The following IGSF21 variants were observed in gnomAD, a reference collection of about 807,000 sequenced individuals.
IGSF21 encodes the protein immunoglobin superfamily member 21, also known as immunoglobulin superfamily member 21.
Under a neutral mutation model 46.8 loss-of-function variants are expected in IGSF21, and 28 were observed. The ratio of observed to expected loss-of-function variants is 0.60; its 90% confidence interval spans 0.44 to 0.82. The LOEUF (loss-of-function observed/expected upper bound fraction) is 0.82, where lower values mean the gene tolerates loss of function less well. IGSF21 is among the 40% of genes least tolerant of loss of function. The pLI, the probability that IGSF21 is intolerant of heterozygous loss-of-function variation, is 0.00. For synonymous variants in IGSF21, 284 were observed against 273.6 expected, an observed-to-expected ratio of 1.04 and a Z score of -0.38; for missense variants, 624 against 665.5, an observed-to-expected ratio of 0.94 and a Z score of 0.69.
intron 1 of IGSF21, among the ~76,000 whole-genome samples, chr1:18,123,629 C>T (rs2086252661): frequency 6.6e-6 from 1 of 152,046 alleles, no homozygotes; most frequent in Non-Finnish European, 1.5e-5. Flanking sequence ...TCACAGATCA[C>T]TAGAAGGGGT....
At chr1:18,342,054 GT>G (rs60349068) in intron 4 of IGSF21, among the ~76,000 whole-genome samples, 53,231 of 144,428 alleles carry the variant, frequency 0.37, 10,267 homozygotes, top group East Asian at 0.47. Context: ...CATTTTCCTT[GT>G]TTTTTTTTTT....
At chr1:18,378,076 A>G (rs2124642429) in intron 9 of IGSF21, among the ~76,000 whole-genome samples, 180 bp from the exon 10 acceptor site, 1 of 152,320 alleles carries the variant, frequency 6.6e-6, no homozygotes, top group South Asian at 2.1e-4. Context: ...TAGCCCAGCA[A>G]GCCTAGTGGT....
chr1:18,318,221 C>A (rs2085562436), intron 3 of IGSF21, among the ~76,000 whole-genome samples: 1 of 152,142 alleles, frequency 6.6e-6, no homozygotes, highest in Non-Finnish European at 1.5e-5. Flanking sequence ...GAGGAAGAAG[C>A]CCTGGCCCCC....
At chr1:18,193,154 G>T (rs1158256731) in intron 1 of IGSF21, among the ~76,000 whole-genome samples, 5 of 152,148 alleles carry the variant, frequency 3.3e-5, no homozygotes, top group Admixed American at 3.3e-4. Context: ...CGACAGCTGA[G>T]TGAAGAAAGA....
In IGSF21 at chr1:18,365,657, C is replaced by T; in HGVS notation, c.975C>T (p.His325=). The T allele has an allele frequency of 6.2e-7, 1 of 1,614,144 alleles. No individual in the cohort carries two copies. The highest frequency in any genetic ancestry group is 8.5e-7 in the Non-Finnish European group (1 of 1,179,992). Residue 325 remains histidine (H), a synonymous_variant, in exon 6 of 10, where the codon CAC becomes CAT. Transcript: ENST00000251296. This position sits in a 1 kb window ranked among gnomAD's most constrained non-coding sequence, Gnocchi z 4.8. ...CCCTCTTCAGCTGCGAGGTCAAGCA[C>T]CCAGCTCTGTCGATGCCCATGCAGG... ...NEALFSCEVK[H]PALSMPMQAE... is the part of the protein sequence containing the mutation.
In IGSF21 at chr1:18,288,809, C is replaced by T. The variant is rs561862862; in HGVS notation, c.184-3057C>T. On this transcript the variant is annotated intron_variant, in intron 2 of 9. Coordinates refer to ENST00000251296, the MANE Select transcript of IGSF21 (RefSeq NM_032880.5). ...GGACAGTGGGGCCTGCCCTCCAGAT[C>T]CCTCACCCTGCAGCTGAGATAAGCA... 2.6e-5 allele frequency among the ~76,000 whole-genome samples: 4 copies of T among 152,322 alleles called. No individual in the cohort carries two copies. In the East Asian group the frequency reaches 7.7e-4, roughly 29 times the overall value.
chr1:18,108,053 G>T lies in IGSF21; in HGVS notation c.-76G>T. 1 of 642,710 alleles carries T rather than the reference G, an allele frequency of 1.6e-6. No homozygotes were observed. The highest frequency in any genetic ancestry group is 2.3e-6 in the Non-Finnish European group (1 of 434,122). The allele number at this position is 642,710 out of a possible 1,614,324, so 39.8% of individuals were successfully genotyped here. ...AGTGGCCGGAGGCAGGAGCGCGTCT[G>T]AGCCCATGGCGAGGGGACCCGCCGC... On this transcript the variant is annotated 5_prime_UTR_variant, in exon 1 of 10. An upstream open reading frame in the 5' UTR loses its in-frame stop. Transcript: ENST00000251296.
Position 18,158,589 on chromosome 1 carries a change from G to C in IGSF21, c.70+50391G>C, listed in dbSNP as rs1462142856. Among the ~76,000 whole-genome samples the C allele has an allele frequency of 2.6e-5, 4 of 152,090 alleles. No homozygotes were observed. In the East Asian group the frequency reaches 5.8e-4, roughly 22 times the overall value. ...AAGCCATCCTTGCTGCCCTTGCCCA[G>C]GGGTCATTCCTGGCATCCCTCTGCC... On this transcript the variant is annotated intron_variant, in intron 1 of 9. Coordinates refer to ENST00000251296, the MANE Select transcript of IGSF21 (RefSeq NM_032880.5).
chr1:18,378,446 A>T lies in IGSF21; in HGVS notation c.*120A>T. The T allele has an allele frequency of 1.2e-6, 1 of 834,156 alleles. No individual in the cohort carries two copies. The highest frequency in any genetic ancestry group is 1.9e-6 in the Non-Finnish European group (1 of 534,132). 51.7% of individuals were successfully genotyped at this position (834,156 alleles called of 1,614,324 possible). A position where few individuals can be genotyped will look rare whatever the true frequency, so the allele number is the denominator to read the frequency against. ...TTTCCATCTGTGTCTTGGCTTCTTC[A>T]GTCGGTTTAATTAAAACAAACAGAA... On this transcript the variant is annotated 3_prime_UTR_variant, in exon 10 of 10. Coordinates refer to ENST00000251296, the MANE Select transcript of IGSF21 (RefSeq NM_032880.5).
At chr1:18,346,557 C>T (rs1464623942) in intron 4 of IGSF21, among the ~76,000 whole-genome samples, 1 of 151,892 alleles carries the variant, frequency 6.6e-6, no homozygotes, top group Non-Finnish European at 1.5e-5. Flanking sequence ...GACATGGGGA[C>T]CAATTGGAAA....
Position 18,365,785 on chromosome 1 carries a change from G to A in IGSF21, c.1015+88G>A. On this transcript the variant is annotated intron_variant, in intron 6 of 9. Transcript: ENST00000251296. This position sits in a 1 kb window ranked among gnomAD's most constrained non-coding sequence, Gnocchi z 4.8. ...GAATAGGGTTCCTGGGCTGAGGACAGCCATGGAAAGGGGGAGGAGATGGAG... is the reference window on the plus strand; with the variant it reads ...GAATAGGGTTCCTGGGCTGAGGACAACCATGGAAAGGGGGAGGAGATGGAG... 2.7e-6 allele frequency: 3 copies of A among 1,127,160 alleles called. No individual in the cohort carries two copies. The South Asian group carries it at 4.7e-5, about 18-fold the overall frequency. 69.8% of individuals were successfully genotyped at this position (1,127,160 alleles called of 1,614,324 possible).
intron 1 of IGSF21, among the ~76,000 whole-genome samples, chr1:18,145,224 G>A (rs1357417235): frequency 2.0e-5 from 3 of 151,710 alleles, no homozygotes; most frequent in South Asian, 2.1e-4. Flanking sequence ...AGTTATCCTC[G>A]GAGTCATTTT....
rs963765254 is a variant in IGSF21, at chr1:18,108,315, G to T, written c.70+117G>T. On this transcript the variant is annotated intron_variant, in intron 1 of 9. Coordinates refer to ENST00000251296, the MANE Select transcript of IGSF21 (RefSeq NM_032880.5). ...GGCTCGGGCTACGAGCACCGGTCCTGCCCGGGGTCTGTGGAGCTGGTTGGC... is the reference window on the plus strand; with the variant it reads ...GGCTCGGGCTACGAGCACCGGTCCTTCCCGGGGTCTGTGGAGCTGGTTGGC... The T allele has an allele frequency of 4.4e-5, 48 of 1,098,010 alleles. No individual in the cohort carries two copies. The African/African-American group carries it at 6.9e-4, about 16-fold the overall frequency. The allele number at this position is 1,098,010 out of a possible 1,614,324, so 68.0% of individuals were successfully genotyped here.
chr1:18,378,446 A>C lies in IGSF21; in HGVS notation c.*120A>C. On this transcript the variant is annotated 3_prime_UTR_variant, in exon 10 of 10. Coordinates refer to ENST00000251296, the MANE Select transcript of IGSF21 (RefSeq NM_032880.5). ...TTTCCATCTGTGTCTTGGCTTCTTCAGTCGGTTTAATTAAAACAAACAGAA... is the reference window on the plus strand; with the variant it reads ...TTTCCATCTGTGTCTTGGCTTCTTCCGTCGGTTTAATTAAAACAAACAGAA... 1 of 834,156 alleles carries C rather than the reference A, an allele frequency of 1.2e-6. No homozygotes were observed. The highest frequency in any genetic ancestry group is 2.7e-5 in the East Asian group (1 of 37,360). The allele number at this position is 834,156 out of a possible 1,614,324, so 51.7% of individuals were successfully genotyped here.
chr1:18,164,008 GA>G (rs2086654160), intron 1 of IGSF21, among the ~76,000 whole-genome samples: 1 of 152,206 alleles, frequency 6.6e-6, no homozygotes. Context: ...CAATGAACGT[GA>G]AAAGAAGTAG....
intron 1 of IGSF21, among the ~76,000 whole-genome samples, chr1:18,209,651 AG>A (rs2084369710): frequency 6.9e-6 from 1 of 145,038 alleles, no homozygotes; most frequent in African/African-American, 2.6e-5. Context: ...TAGTAGAGAC[AG>A]GGTTTCACTA....
intron 3 of IGSF21, among the ~76,000 whole-genome samples, chr1:18,309,806 G>A (rs760098270): frequency 2.0e-5 from 3 of 152,194 alleles, no homozygotes; most frequent in Admixed American, 6.5e-5. Flanking sequence ...TGCTGGAAAC[G>A]GAGCAGGACC....
chr1:18,355,291 G>C (rs1282927161), intron 4 of IGSF21, among the ~76,000 whole-genome samples: 1 of 152,226 alleles, frequency 6.6e-6, no homozygotes, highest in South Asian at 2.1e-4. Flanking sequence ...GATTTACAGA[G>C]CAAAGAGGAG....
Position 18,319,930 on chromosome 1 carries a change from T to C in IGSF21, c.306-14962T>C, listed in dbSNP as rs1039661784. Among the ~76,000 whole-genome samples, 3 of 152,336 alleles carry C rather than the reference T, an allele frequency of 2.0e-5. No individual in the cohort carries two copies. In the South Asian group the frequency reaches 6.2e-4, roughly 32 times the overall value. On this transcript the variant is annotated intron_variant, in intron 3 of 9. Transcript: ENST00000251296. Reference sequence around the variant, plus strand: ...TCCCTCAACTAAAATACGAGTTCTATGAGGTCAGTGGTTTTGGTTTCTATT... The same window carrying C: ...TCCCTCAACTAAAATACGAGTTCTACGAGGTCAGTGGTTTTGGTTTCTATT...
Sources: gnomAD v4.1 joint callset for allele counts (sites outside exome capture counted in the v4.1 genomes callset) on GRCh38, gnomAD v4.1.1 for gene constraint, Gnocchi (gnomAD v3.1) non-coding constraint, MANE v1.5 for transcripts, NCBI Gene and HGNC (gene_info 2026-07-23, HGNC 2026-07-21) for gene names.